Variants in COL17A1 observed in about 807,000 individuals in gnomAD.
The protein encoded by COL17A1 is collagen alpha-1(XVII) chain.
COL17A1 carries 181 observed loss-of-function variants against 218.4 expected under a neutral mutation model. The observed-to-expected ratio is 0.83, with a 90% CI of 0.73 to 0.94. The LOEUF (loss-of-function observed/expected upper bound fraction) is 0.94. Among genes scored for constraint, COL17A1 ranks in the 40% least tolerant of loss-of-function variants. The probability of loss-of-function intolerance (pLI) is 0.00; values close to 1 mark genes in which losing one functional copy is unlikely to be tolerated. For synonymous variants in COL17A1, 721 were observed against 731.0 expected (o/e 0.99, Z 0.22); for missense variants, 1,924 against 1,945.9 (o/e 0.99, Z 0.21).
At chr10:104,068,973 C>T (rs2086648503) in intron 9 of COL17A1, among the ~76,000 whole-genome samples, 1 of 152,198 alleles carries the variant, frequency 6.6e-6, no homozygotes, top group Admixed American at 6.5e-5. Context: ...GATGTCCATA[C>T]TGCATAAAGG....
intron 46 of COL17A1, 28 bp from the exon 47 acceptor site, chr10:104,037,141 T>C: frequency 6.3e-7 from 1 of 1,584,432 alleles, no homozygotes; most frequent in South Asian, 1.2e-5. Context: ...TCAGGTTACC[T>C]GCTTAGCAGG....
chr10:104,032,817 G>C (rs1467122485), intron 54 of COL17A1, 63 bp from the exon 55 acceptor site: 1 of 1,608,816 alleles, frequency 6.2e-7, no homozygotes, highest in Non-Finnish European at 8.5e-7. Context: ...GGCACAGGTA[G>C]CCGGTGTGGC....
Position 104,053,155 on chromosome 10 carries a change from G to C in COL17A1, c.1835-20C>G. The stretch of plus-strand genomic sequence containing the variant: ...GATCTCCTAAAGACAGGGATGGCCA[G>C]CCTCCAAGTCAGGATCCCGTACCCC... On this transcript the variant is annotated intron_variant, in intron 22 of 55. Transcript: ENST00000648076. 6.2e-7 allele frequency: 1 copy of C among 1,610,580 alleles called. No homozygotes were observed.
At chr10:104,042,843 C>T (rs2086373678) in intron 35 of COL17A1, among the ~76,000 whole-genome samples, 1 of 152,204 alleles carries the variant, frequency 6.6e-6, no homozygotes, top group Non-Finnish European at 1.5e-5. Flanking sequence ...AACAAAATAA[C>T]AGGCACTTTG....
chr10:104,036,757 C>CT, intron 47 of COL17A1, 125 bp from the exon 48 acceptor site: 8 of 1,204,228 alleles, frequency 6.6e-6, no homozygotes, highest in Non-Finnish European at 9.5e-6. Context: ...GTTCTGGGTC[C>CT]GCAGGACCAC....
intron 17 of COL17A1, 74 bp downstream of exon 17, chr10:104,056,901 C>T (rs2086533651): frequency 6.5e-7 from 1 of 1,547,550 alleles, no homozygotes; most frequent in Admixed American, 2.0e-5. Flanking sequence ...TTCACAGATT[C>T]CTGCCCTTCT....
chr10:104,076,409 C>T lies in COL17A1; in HGVS notation c.223G>A (p.Ala75Thr). 1 of 1,614,114 alleles carries T rather than the reference C, an allele frequency of 6.2e-7. No homozygotes were observed. Among genetic ancestry groups the T allele is most frequent in the Non-Finnish European group, 8.5e-7 (1 of 1,179,994 alleles). ...INSTGSTRGH[A>T]STSSYRRAHS... ...GCCCTCCTGTAACTAGAGGTGGAGG[C>T]ATGGCCTCGTGTGCTTCCAGCTGCA... The change falls in exon 5 of 56, where the codon GCC becomes ACC. Residue 75 changes from alanine (A) to threonine (T), a missense_variant. Coordinates refer to ENST00000648076, the MANE Select transcript of COL17A1 (RefSeq NM_000494.4).
chr10:104,059,609 A>G, intron 15 of COL17A1, 29 bp downstream of exon 15: 1 of 1,600,128 alleles, frequency 6.2e-7, no homozygotes, highest in Non-Finnish European at 8.6e-7. Context: ...GCTGAAGTCA[A>G]GGTGGACAAC....
chr10:104,072,522 T>G (rs986140308), intron 7 of COL17A1, among the ~76,000 whole-genome samples: 3 of 152,152 alleles, frequency 2.0e-5, no homozygotes, highest in African/African-American at 7.2e-5. Flanking sequence ...TAGCTAACAT[T>G]ATTAGTTAGC....
intron 2 of COL17A1, 127 bp downstream of exon 2, chr10:104,080,495 T>C (rs1264103128): frequency 8.1e-6 from 9 of 1,109,800 alleles, no homozygotes; most frequent in Admixed American, 2.1e-5. Context: ...TTAAAGTCCA[T>C]TTAGGAACAC....
intron 33 of COL17A1, among the ~76,000 whole-genome samples, chr10:104,044,910 T>G (rs1023731946): frequency 6.6e-6 from 1 of 152,194 alleles, no homozygotes; most frequent in East Asian, 1.9e-4. Context: ...ATCATTATTT[T>G]GGAATTACAT....
chr10:104,065,964 G>C (rs1259586529), intron 9 of COL17A1, among the ~76,000 whole-genome samples: 1 of 152,208 alleles, frequency 6.6e-6, no homozygotes, highest in African/African-American at 2.4e-5. Context: ...AGAAGAAACA[G>C]GATATACTAG....
rs11596890 is a variant in COL17A1 at position 104,035,097 on chromosome 10, C to T, written c.3619+166G>A. On this transcript the variant is annotated intron_variant, in intron 50 of 55. Coordinates refer to ENST00000648076, the MANE Select transcript of COL17A1 (RefSeq NM_000494.4). ...CCATCTCTCCCCACCTCTGTCCCTG[C>T]CACGGCTGAAGGCCCCTTGCCAGCA... Among the ~76,000 whole-genome samples the T allele has an allele frequency of 0.041, 6,262 of 152,304 alleles. 186 individuals are homozygous for T. The highest frequency in any genetic ancestry group is 0.064 in the Non-Finnish European group (4,355 of 68,006).
chr10:104,058,380 G>A (rs1347044460), intron 15 of COL17A1, among the ~76,000 whole-genome samples, 190 bp from the exon 16 acceptor site: 2 of 152,166 alleles, frequency 1.3e-5, no homozygotes, highest in Non-Finnish European at 2.9e-5. Context: ...GACATGGCTT[G>A]GCAAACAATT....
At chr10:104,080,787 AT>A (rs2086758137) in intron 1 of COL17A1, 103 bp from the exon 2 acceptor site, 2 of 1,209,518 alleles carry the variant, frequency 1.7e-6, no homozygotes, top group African/African-American at 1.5e-5. Context: ...GATTTCAAGA[AT>A]TTAAACCATA....
chr10:104,061,436 C>A lies in COL17A1; in HGVS notation c.948G>T (p.Ala316=). 1 of 1,613,620 alleles carries A rather than the reference C, an allele frequency of 6.2e-7. No individual in the cohort carries two copies. The highest frequency in any genetic ancestry group is 1.1e-5 in the South Asian group (1 of 91,022). ...GVKKNMPQSP[A]AVNTGVSTSA... ...AGGTGGAAACGCCAGTGTTCACAGC[C>A]GCAGGACTCTGGGGCATGTTTTTCT... Residue 316 remains alanine (A), a synonymous_variant, in exon 13 of 56, where the codon GCG becomes GCT. Transcript: ENST00000648076.
chr10:104,035,861 T>TGTGTGA (rs2086278247), intron 48 of COL17A1, among the ~76,000 whole-genome samples: 1 of 22,134 alleles, frequency 4.5e-5, no homozygotes. Context: ...CGTATGGGAG[T>TGTGTGA]GTATGGGAGT....
At chr10:104,064,958 G>A (rs2086614654) in intron 9 of COL17A1, among the ~76,000 whole-genome samples, 1 of 152,198 alleles carries the variant, frequency 6.6e-6, no homozygotes, top group Non-Finnish European at 1.5e-5. Context: ...AAGACGCTGA[G>A]GGAACAGTTC....
intron 3 of COL17A1, among the ~76,000 whole-genome samples, chr10:104,077,982 G>C (rs960118969): frequency 1.3e-5 from 2 of 152,168 alleles, no homozygotes; most frequent in Non-Finnish European, 2.9e-5. Flanking sequence ...CCACCTGGCA[G>C]CCCATCACTG....
Sources: gnomAD v4.1 joint callset for allele counts (sites outside exome capture counted in the v4.1 genomes callset) on GRCh38, gnomAD v4.1.1 for gene constraint, MANE v1.5 for transcripts, NCBI Gene and HGNC (gene_info 2026-07-23, HGNC 2026-07-21) for gene names.